DLGAP1: variants seen among roughly 807,000 people sequenced by gnomAD.
The protein encoded by DLGAP1 is DLG associated protein 1.
Under a neutral mutation model 90.8 loss-of-function variants are expected in DLGAP1, and 11 were observed. The ratio of observed to expected loss-of-function variants is 0.12; its 90% CI spans 0.08 to 0.20. The LOEUF (loss-of-function observed/expected upper bound fraction) is 0.20. DLGAP1 is among the 10% of genes least tolerant of loss of function. The probability of loss-of-function intolerance (pLI) is 1.00; values close to 1 mark genes in which losing one functional copy is unlikely to be tolerated. For missense variants in DLGAP1, 1,050 were observed against 1,333.8 expected, an observed-to-expected ratio of 0.79 and a Z score of 3.31; for synonymous variants, 558 against 540.7, an observed-to-expected ratio of 1.03 and a Z score of -0.44.
chr18:4,390,839 C>G (rs890614313), intron 1 of DLGAP1, among the ~76,000 whole-genome samples: 7 of 152,140 alleles, frequency 4.6e-5, no homozygotes, highest in African/African-American at 1.7e-4. Context: ...CTGGGCAAAG[C>G]TTTGAGATCT....
chr18:4,335,112 C>T (rs940489946), intron 1 of DLGAP1, among the ~76,000 whole-genome samples: 3 of 151,792 alleles, frequency 2.0e-5, no homozygotes, highest in African/African-American at 7.3e-5. Context: ...AATAAGGCAG[C>T]GAGCAGTTAA....
At chr18:3,708,263 T>C in intron 7 of DLGAP1, 1 of 368,006 alleles carries the variant, frequency 2.7e-6, no homozygotes, top group South Asian at 2.0e-5. Context: ...TGCCTCAGCC[T>C]CCCAAAGTTT....
In DLGAP1 at chr18:4,438,388, C is replaced by T. The variant is rs113876376; in HGVS notation, c.-267+16618G>A. On this transcript the variant is annotated intron_variant, in intron 1 of 12. Coordinates refer to ENST00000315677, the MANE Select transcript of DLGAP1 (RefSeq NM_004746.4). ...TGGAGCTTGCAGTGAGCCGAGATTG[C>T]GCCACTGCACTCCAGCCTGGGTGAC... Among the ~76,000 whole-genome samples, 1,332 of 144,632 alleles carry T rather than the reference C, an allele frequency of 9.2e-3. 23 individuals are homozygous for T. Among genetic ancestry groups the T allele is most frequent in the African/African-American group, 0.033 (1,271 of 38,504 alleles). The allele number at this position is 144,632 out of a possible 152,430, so 94.9% of individuals were successfully genotyped here. A position where few individuals can be genotyped will look rare whatever the true frequency, so the allele number is the denominator to read the frequency against.
intron 1 of DLGAP1, among the ~76,000 whole-genome samples, chr18:4,441,384 T>C (rs2083532542): frequency 6.6e-6 from 1 of 152,092 alleles, no homozygotes; most frequent in African/African-American, 2.4e-5. Context: ...AAGAGAAAGG[T>C]GGGAAAAGGA....
In DLGAP1 at chr18:3,600,759, T is replaced by G. The variant is rs868059035; in HGVS notation, c.1592-18511A>C. Among the ~76,000 whole-genome samples, 10 of 73,380 alleles carry G rather than the reference T, an allele frequency of 1.4e-4. 1 individual carries two copies. The South Asian group carries it at 1.7e-3, about 13-fold the overall frequency. 48.1% of individuals were successfully genotyped at this position (73,380 alleles called of 152,430 possible). A position where few individuals can be genotyped will look rare whatever the true frequency, so the allele number is the denominator to read the frequency against. On this transcript the variant is annotated intron_variant, in intron 7 of 12. Coordinates refer to ENST00000315677, the MANE Select transcript of DLGAP1 (RefSeq NM_004746.4). ...ATATAGATATATAGATATATATAGA[T>G]ATATAGATATATATAGATATATAGA...
intron 1 of DLGAP1, among the ~76,000 whole-genome samples, chr18:4,307,105 T>C (rs1022559869): frequency 4.6e-5 from 7 of 152,192 alleles, no homozygotes; most frequent in Non-Finnish European, 7.4e-5. Context: ...ACAGTGAGGC[T>C]TTCTTTGAGC....
chr18:3,613,147 A>C (rs750470818), intron 7 of DLGAP1, among the ~76,000 whole-genome samples: 3 of 151,940 alleles, frequency 2.0e-5, no homozygotes, highest in Non-Finnish European at 4.4e-5. Context: ...CTTTTAGTCC[A>C]TTTTCTATTG....
intron 1 of DLGAP1, among the ~76,000 whole-genome samples, chr18:4,286,214 G>A (rs775607123): frequency 6.6e-6 from 1 of 152,122 alleles, no homozygotes; most frequent in Admixed American, 6.6e-5. Flanking sequence ...TATGGTAGAG[G>A]AGAGATGGGC....
At chr18:3,666,548 A>G (rs1195247144) in intron 7 of DLGAP1, among the ~76,000 whole-genome samples, 1 of 152,194 alleles carries the variant, frequency 6.6e-6, no homozygotes, top group Non-Finnish European at 1.5e-5. Flanking sequence ...TTTCATCTAC[A>G]TGGAGAAACC....
chr18:3,914,852 C>T (rs1352239761), intron 3 of DLGAP1, among the ~76,000 whole-genome samples: 1 of 152,116 alleles, frequency 6.6e-6, no homozygotes, highest in Non-Finnish European at 1.5e-5. Flanking sequence ...TGGACTCAAG[C>T]GATCCTCCTG....
At chr18:3,758,083 G>A (rs1324983498) in intron 5 of DLGAP1, among the ~76,000 whole-genome samples, 1 of 150,708 alleles carries the variant, frequency 6.6e-6, no homozygotes, top group Admixed American at 6.6e-5. Context: ...CTCCAGCCTG[G>A]GTGACAGAGC....
chr18:3,520,117 T>A (rs903344416), intron 10 of DLGAP1, among the ~76,000 whole-genome samples: 1 of 152,194 alleles, frequency 6.6e-6, no homozygotes, highest in Non-Finnish European at 1.5e-5. Context: ...ATAGTCTTAA[T>A]GTTCTGTGTC....
At chr18:4,363,224 G>T (rs1340251168) in intron 1 of DLGAP1, among the ~76,000 whole-genome samples, 6 of 152,164 alleles carry the variant, frequency 3.9e-5, no homozygotes, top group Non-Finnish European at 5.9e-5. Flanking sequence ...TGCACACAGG[G>T]AAAACAAGGA....
At chr18:3,605,338 A>G (rs761701804) in intron 7 of DLGAP1, among the ~76,000 whole-genome samples, 1 of 152,252 alleles carries the variant, frequency 6.6e-6, no homozygotes, top group Non-Finnish European at 1.5e-5. Flanking sequence ...ATGAGAACAC[A>G]GCAGTTTTTA....
chr18:3,746,008 G>A (rs2063255854), intron 5 of DLGAP1, among the ~76,000 whole-genome samples: 1 of 152,064 alleles, frequency 6.6e-6, no homozygotes, highest in Non-Finnish European at 1.5e-5. Flanking sequence ...CTTTATAGCT[G>A]CAATGATGAA....
intron 1 of DLGAP1, among the ~76,000 whole-genome samples, chr18:4,288,973 GC>G (rs1416832066): frequency 6.6e-6 from 1 of 152,072 alleles, no homozygotes; most frequent in Admixed American, 6.6e-5. Flanking sequence ...GTCATGTGGC[GC>G]CCATTGTAAA....
chr18:3,524,404 T>C (rs1485490325), intron 10 of DLGAP1, among the ~76,000 whole-genome samples: 1 of 152,198 alleles, frequency 6.6e-6, no homozygotes, highest in Non-Finnish European at 1.5e-5. Context: ...GAGGACCTTA[T>C]GCTAAGTAAA....
At chr18:4,440,564 T>C (rs1300120476) in intron 1 of DLGAP1, among the ~76,000 whole-genome samples, 5 of 152,048 alleles carry the variant, frequency 3.3e-5, no homozygotes, top group South Asian at 4.1e-4. Context: ...ACATTCAAAT[T>C]TGGGGGGAGG....
At chr18:4,410,513 C>T (rs546728261) in intron 1 of DLGAP1, among the ~76,000 whole-genome samples, 2 of 151,996 alleles carry the variant, frequency 1.3e-5, no homozygotes, top group Non-Finnish European at 2.9e-5. Flanking sequence ...CATTTCCAAA[C>T]ATTAAAATGG....
Sources: gnomAD v4.1 joint callset for allele counts (sites outside exome capture counted in the v4.1 genomes callset) on GRCh38, gnomAD v4.1.1 for gene constraint, MANE v1.5 for transcripts, NCBI Gene and HGNC (gene_info 2026-07-23, HGNC 2026-07-21) for gene names.